The following TJAP1 variants were observed in gnomAD, a reference collection of about 807,000 sequenced individuals.
TJAP1 encodes tight junction-associated protein 1.
TJAP1 carries 27 observed loss-of-function variants against 42.0 expected under a neutral mutation model. That is an observed-to-expected ratio of 0.64 (90% confidence interval 0.47 to 0.89). TJAP1 has a LOEUF of 0.89. TJAP1 is among the 40% of genes least tolerant of loss of function. The pLI is 0.00. For missense variants in TJAP1, 712 were observed against 726.9 expected, an observed-to-expected ratio of 0.98 and a Z score of 0.24; for synonymous variants, 257 against 288.4, an observed-to-expected ratio of 0.89 and a Z score of 1.10.
At chr6:43,501,484 C>T in intron 5 of TJAP1, 42 bp from the exon 6 acceptor site, 1 of 1,568,676 alleles carries the variant, frequency 6.4e-7, no homozygotes, top group Non-Finnish European at 8.7e-7. Context: ...GCCCTTCTAT[C>T]TCTCATACCC....
chr6:43,502,076 A>ACACACTCTCTCTCTCTCTCTCT (rs767085594), intron 6 of TJAP1, among the ~76,000 whole-genome samples: 1 of 68,930 alleles, frequency 1.5e-5, no homozygotes, highest in African/African-American at 7.7e-5. Flanking sequence ...ACACACACAC[A>ACACACTCTCTCTCTCTCTCTCT]CTCTCTCTCT....
intron 2 of TJAP1, among the ~76,000 whole-genome samples, chr6:43,483,728 C>A (rs1785811865): frequency 6.6e-6 from 1 of 152,144 alleles, no homozygotes; most frequent in African/African-American, 2.4e-5. Flanking sequence ...TGGGCAAGTT[C>A]CTTAACCAGT....
At chr6:43,480,524 C>CT (rs924607917) in intron 2 of TJAP1, among the ~76,000 whole-genome samples, 64 of 147,844 alleles carry the variant, frequency 4.3e-4, no homozygotes, top group Middle Eastern at 3.6e-3. Flanking sequence ...TAATTTTTGA[C>CT]TTTTTTTTTT....
chr6:43,484,628 G>A (rs1241585199), intron 2 of TJAP1, among the ~76,000 whole-genome samples: 2 of 152,208 alleles, frequency 1.3e-5, no homozygotes, highest in African/African-American at 4.8e-5. Flanking sequence ...GAGTAAAACG[G>A]AGTCTCCTTT....
chr6:43,500,502 G>A, intron 4 of TJAP1: 1 of 527,642 alleles, frequency 1.9e-6, no homozygotes, highest in Non-Finnish European at 3.4e-6. Context: ...ATGGCTTTAG[G>A]ATTGGATTAA....
chr6:43,482,145 G>A (rs1005624467), intron 2 of TJAP1, among the ~76,000 whole-genome samples: 3 of 152,300 alleles, frequency 2.0e-5, no homozygotes, highest in Non-Finnish European at 4.4e-5. Flanking sequence ...GTGCTGAAAC[G>A]TGTTATCTCT....
intron 3 of TJAP1, among the ~76,000 whole-genome samples, chr6:43,498,366 G>A (rs899720016): frequency 3.9e-5 from 6 of 152,162 alleles, no homozygotes; most frequent in Admixed American, 3.9e-4. Flanking sequence ...GAGAGTTTGA[G>A]CCTGGGCAAC....
At chr6:43,486,153 C>T (rs533427290) in intron 2 of TJAP1, among the ~76,000 whole-genome samples, 15 of 151,098 alleles carry the variant, frequency 9.9e-5, no homozygotes, top group East Asian at 4.0e-4. Context: ...TTAGTAGAGA[C>T]GGGGTTTCGC....
chr6:43,484,186 G>A (rs1209842233), intron 2 of TJAP1, among the ~76,000 whole-genome samples: 1 of 152,104 alleles, frequency 6.6e-6, no homozygotes, highest in Non-Finnish European at 1.5e-5. Context: ...GGCTGGGCAC[G>A]GTGGCTCATG....
intron 2 of TJAP1, among the ~76,000 whole-genome samples, chr6:43,479,780 G>C (rs1216680702): frequency 6.6e-6 from 1 of 152,180 alleles, no homozygotes; most frequent in Non-Finnish European, 1.5e-5. Flanking sequence ...GACCATCCTG[G>C]CCAACAAGGT....
At chr6:43,500,284 C>T (rs1295491902) in intron 4 of TJAP1, among the ~76,000 whole-genome samples, 1 of 152,232 alleles carries the variant, frequency 6.6e-6, no homozygotes, top group Non-Finnish European at 1.5e-5. Flanking sequence ...TCCTGAGCCT[C>T]TGCAAGAGCC....
intron 2 of TJAP1, among the ~76,000 whole-genome samples, chr6:43,486,235 G>T (rs1397087932): frequency 1.3e-5 from 2 of 152,022 alleles, no homozygotes; most frequent in South Asian, 4.1e-4. Flanking sequence ...AAAGTGCAGG[G>T]ATTACAGACG....
rs536043389 is a variant in TJAP1, at chr6:43,483,125, A to C, written c.-122+4893A>C. Among the ~76,000 whole-genome samples the C allele has an allele frequency of 5.3e-4, 70 of 131,088 alleles. 1 individual carries two copies. In the South Asian group the frequency reaches 0.016, roughly 29 times the overall value. The allele number at this position is 131,088 out of a possible 152,430, so 86.0% of individuals were successfully genotyped here. A position where few individuals can be genotyped will look rare whatever the true frequency, so the allele number is the denominator to read the frequency against. ...CAACAGAGCAAGACTCCATCTCAAT[A>C]AAAAAAAAAAAAAAGTCTTCCCTTA... On this transcript the variant is annotated intron_variant, in intron 2 of 10. Coordinates refer to ENST00000372449, the Ensembl canonical transcript of TJAP1.
At chr6:43,483,319 A>C (rs1785705953) in intron 2 of TJAP1, among the ~76,000 whole-genome samples, 1 of 152,078 alleles carries the variant, frequency 6.6e-6, no homozygotes. Flanking sequence ...ACTGCTCCCA[A>C]ACCTATCATG....
intron 4 of TJAP1, 146 bp from the exon 5 acceptor site, chr6:43,500,598 T>A (rs1790304364): frequency 1.3e-6 from 1 of 792,058 alleles, no homozygotes; most frequent in African/African-American, 1.7e-5. Flanking sequence ...CTGAATTGCT[T>A]CCATCCGTAG....
intron 10 of TJAP1, chr6:43,504,460 CA>C (rs1410454697): frequency 6.9e-6 from 3 of 436,818 alleles, no homozygotes; most frequent in Non-Finnish European, 1.2e-5. Context: ...GCAGATTCTC[CA>C]AACTTAAGTA....
chr6:43,504,958 T>C, exon 11 of TJAP1: 1 of 1,614,118 alleles, frequency 6.2e-7, no homozygotes, highest in Non-Finnish European at 8.5e-7. Flanking sequence ...TGGCTGAGGA[T>C]GTCTTTGTGC....
chr6:43,483,365 C>T (rs1317374742), intron 2 of TJAP1, among the ~76,000 whole-genome samples: 1 of 152,234 alleles, frequency 6.6e-6, no homozygotes, highest in Admixed American at 6.5e-5. Flanking sequence ...TGCCCATGTA[C>T]TTCACTCAGT....
intron 5 of TJAP1, chr6:43,501,104 AGAG>A (rs1790417656): frequency 2.4e-6 from 1 of 417,402 alleles, no homozygotes; most frequent in Non-Finnish European, 4.3e-6. Flanking sequence ...AGGCCTCTGG[AGAG>A]GAGGGCAGTG....
Sources: allele counts gnomAD v4.1 joint callset (sites outside exome capture counted in the v4.1 genomes callset), GRCh38; gene constraint gnomAD v4.1.1; transcripts MANE v1.5; gene names NCBI Gene and HGNC (gene_info 2026-07-23, HGNC 2026-07-21).